PDE4D: variants seen among roughly 807,000 people sequenced by gnomAD.
The protein encoded by PDE4D is 3',5'-cyclic-AMP phosphodiesterase 4D.
A neutral mutation model predicts 87.4 loss-of-function variants in PDE4D; 24 were observed. The observed-to-expected ratio is 0.27, with a 90% CI of 0.20 to 0.39. The LOEUF (loss-of-function observed/expected upper bound fraction) is 0.39. Among genes scored for constraint, PDE4D ranks in the 10% least tolerant of loss-of-function variants. The probability of loss-of-function intolerance (pLI) is 1.00; values close to 1 mark genes in which losing one functional copy is unlikely to be tolerated. For missense variants in PDE4D, 714 were observed against 1,041.0 expected (o/e 0.69, Z 4.32); for synonymous variants, 384 against 383.2 (o/e 1.00, Z -0.02).
chr5:59,839,856 G>C (rs1742707052), intron 1 of PDE4D, among the ~76,000 whole-genome samples: 1 of 152,028 alleles, frequency 6.6e-6, no homozygotes, highest in Admixed American at 6.6e-5. Context: ...CCCACTACAA[G>C]GAGAGGTTAT....
At chr5:59,371,635 G>T (rs1326915314) in intron 1 of PDE4D, among the ~76,000 whole-genome samples, 1 of 152,142 alleles carries the variant, frequency 6.6e-6, no homozygotes, top group African/African-American at 2.4e-5. Flanking sequence ...GATTGGAAGT[G>T]AACCTACTAT....
At chr5:59,460,359 G>T (rs1008252837) in intron 1 of PDE4D, among the ~76,000 whole-genome samples, 4 of 152,150 alleles carry the variant, frequency 2.6e-5, no homozygotes, top group Non-Finnish European at 5.9e-5. Context: ...GGAAGACATA[G>T]CAGGATAAGA....
At chr5:59,724,228 G>A (rs1992112) in intron 1 of PDE4D, among the ~76,000 whole-genome samples, 86,091 of 151,864 alleles carry the variant, frequency 0.57, 24,935 homozygotes, top group African/African-American at 0.63. Context: ...CACCCCAAAT[G>A]GCCAAATTGC....
intron 5 of PDE4D, among the ~76,000 whole-genome samples, chr5:59,172,160 TATATA>T (rs1447857496): frequency 2.9e-4 from 30 of 102,756 alleles, no homozygotes; most frequent in Non-Finnish European, 3.8e-4. Flanking sequence ...TATATATATT[TATATA>T]ATATATGTAT....
At chr5:59,394,647 T>C (rs1182383782) in intron 1 of PDE4D, among the ~76,000 whole-genome samples, 1 of 152,204 alleles carries the variant, frequency 6.6e-6, no homozygotes, top group Non-Finnish European at 1.5e-5. Flanking sequence ...AGATGGCACT[T>C]TTCTATTCTT....
intron 1 of PDE4D, among the ~76,000 whole-genome samples, chr5:59,521,006 CA>C (rs1440377815): frequency 6.6e-6 from 1 of 151,092 alleles, no homozygotes; most frequent in East Asian, 1.9e-4. Flanking sequence ...TATAGATATA[CA>C]AGGATCATTT....
chr5:59,181,574 G>C (rs1041888683), intron 4 of PDE4D, among the ~76,000 whole-genome samples: 2 of 80,252 alleles, frequency 2.5e-5, no homozygotes, highest in Non-Finnish European at 4.7e-5. Context: ...ATATATATTA[G>C]GTATATAATA....
intron 1 of PDE4D, among the ~76,000 whole-genome samples, chr5:59,701,333 T>C (rs1413861430): frequency 6.6e-6 from 1 of 152,202 alleles, no homozygotes; most frequent in Non-Finnish European, 1.5e-5. Flanking sequence ...TCCCTGATAA[T>C]CTACGTAAAT....
intron 2 of PDE4D, among the ~76,000 whole-genome samples, chr5:60,037,445 T>C (rs1767938338): frequency 6.6e-6 from 1 of 152,228 alleles, no homozygotes; most frequent in South Asian, 2.1e-4. Context: ...CATTAATTTA[T>C]TATTGACTCT....
At chr5:60,243,021 T>C (rs1747306650) in intron 1 of PDE4D, among the ~76,000 whole-genome samples, 1 of 150,850 alleles carries the variant, frequency 6.6e-6, no homozygotes, top group Non-Finnish European at 1.5e-5. Context: ...ACAAGGAAAA[T>C]ACAAAAGATC....
At chr5:60,364,762 C>T (rs905026862) in intron 1 of PDE4D, among the ~76,000 whole-genome samples, 1 of 152,162 alleles carries the variant, frequency 6.6e-6, no homozygotes, top group African/African-American at 2.4e-5. Context: ...CAAGAAGTTT[C>T]CTATTTCTTC....
chr5:60,229,645 G>C (rs991993268), intron 1 of PDE4D, among the ~76,000 whole-genome samples: 1 of 152,084 alleles, frequency 6.6e-6, no homozygotes, highest in African/African-American at 2.4e-5. Context: ...ATCAAGACAG[G>C]TCTCCTTCAA....
At chr5:59,732,207 T>C (rs1161527362) in intron 1 of PDE4D, among the ~76,000 whole-genome samples, 1 of 152,152 alleles carries the variant, frequency 6.6e-6, no homozygotes, top group Non-Finnish European at 1.5e-5. Flanking sequence ...TCATTGTACA[T>C]AGTGTGAATT....
At chr5:60,312,215 A>G (rs1755104220) in intron 1 of PDE4D, among the ~76,000 whole-genome samples, 1 of 152,176 alleles carries the variant, frequency 6.6e-6, no homozygotes, top group African/African-American at 2.4e-5. Context: ...ACATCTACAG[A>G]ACTCTCCAAC....
chr5:60,183,643 G>T (rs1359629947), intron 2 of PDE4D, among the ~76,000 whole-genome samples: 1 of 152,090 alleles, frequency 6.6e-6, no homozygotes, highest in Non-Finnish European at 1.5e-5. Flanking sequence ...TTTAAATTTC[G>T]AACATTTTCT....
chr5:58,985,256 G>A lies in PDE4D; in HGVS notation c.1552+3237C>T, dbSNP rs1181360307. 4.6e-5 allele frequency among the ~76,000 whole-genome samples: 7 copies of A among 152,040 alleles called. No individual in the cohort carries two copies. In the East Asian group the frequency reaches 7.7e-4, roughly 17 times the overall value. On this transcript the variant is annotated intron_variant, in intron 11 of 14. Transcript: ENST00000340635. ...TGCATCATCCTTTAAAAATATTTAC[G>A]CAGCTTCCTGCCTGAAATTTCAATT...
chr5:59,831,818 C>T (rs907059537), intron 1 of PDE4D, among the ~76,000 whole-genome samples: 9 of 151,946 alleles, frequency 5.9e-5, no homozygotes, highest in African/African-American at 1.7e-4. Context: ...GAAATATGAT[C>T]CCAGTAGAGT....
intron 1 of PDE4D, among the ~76,000 whole-genome samples, chr5:59,282,441 G>C (rs1180021374): frequency 6.6e-6 from 1 of 151,900 alleles, no homozygotes; most frequent in Admixed American, 6.6e-5. Context: ...AGGAGTTTGA[G>C]ACCAGCCTGG....
At chr5:59,360,513 G>A (rs1174232804) in intron 1 of PDE4D, among the ~76,000 whole-genome samples, 1 of 152,116 alleles carries the variant, frequency 6.6e-6, no homozygotes, top group Non-Finnish European at 1.5e-5. Flanking sequence ...CATTGCAAAA[G>A]AGTGTGACAA....
Sources: gnomAD v4.1 joint callset for allele counts (sites outside exome capture counted in the v4.1 genomes callset) on GRCh38, gnomAD v4.1.1 for gene constraint, MANE v1.5 for transcripts, NCBI Gene and HGNC (gene_info 2026-07-23, HGNC 2026-07-21) for gene names.